FAM47E: variants seen among roughly 807,000 people sequenced by gnomAD.
FAM47E encodes the protein family with sequence similarity 47 member E.
A neutral mutation model predicts 41.6 loss-of-function variants in FAM47E; 32 were observed. That is an observed-to-expected ratio of 0.77 (90% confidence interval 0.58 to 1.03). FAM47E has a LOEUF of 1.03. Ranked by LOEUF, FAM47E falls within the 50% of genes least tolerant of loss-of-function variation. The probability of loss-of-function intolerance (pLI) is 0.00; values close to 1 mark genes in which losing one functional copy is unlikely to be tolerated. For synonymous variants in FAM47E, 184 were observed against 188.7 expected (o/e 0.98, Z 0.20); for missense variants, 424 against 485.4 (o/e 0.87, Z 1.19).
chr4:76,215,089 A>G (rs1223454981), intron 1 of FAM47E, among the ~76,000 whole-genome samples: 1 of 152,242 alleles, frequency 6.6e-6, no homozygotes, highest in African/African-American at 2.4e-5. Flanking sequence ...CTCAGTCATG[A>G]GCTGGGAGCA....
chr4:76,274,949 T>C lies in FAM47E; in HGVS notation c.871-3120T>C, dbSNP rs1005991953. 5.3e-5 allele frequency among the ~76,000 whole-genome samples: 8 copies of C among 152,236 alleles called. No homozygotes were observed. In the East Asian group the frequency reaches 1.5e-3, roughly 29 times the overall value. On this transcript the variant is annotated intron_variant, in intron 5 of 7. Coordinates refer to ENST00000424749, the MANE Select transcript of FAM47E (RefSeq NM_001136570.3). The stretch of plus-strand genomic sequence containing the variant: ...TTCAGAGAGTCCATTGGGCTCCTCC[T>C]GGGCTCTCCCTGAAGGCAGTGAGCT...
At chr4:76,224,551 T>C (rs767261181) in intron 2 of FAM47E, among the ~76,000 whole-genome samples, 23 of 152,136 alleles carry the variant, frequency 1.5e-4, no homozygotes, top group Non-Finnish European at 3.2e-4. Context: ...TAAACAATTA[T>C]AACTTTTTAA....
intron 3 of FAM47E, 81 bp from the exon 4 acceptor site, chr4:76,268,579 C>A (rs1734743547): frequency 2.9e-6 from 4 of 1,395,084 alleles, no homozygotes; most frequent in Non-Finnish European, 3.9e-6. Flanking sequence ...TTTATGATTT[C>A]CTTTTGCCTC....
upstream of FAM47E, among the ~76,000 whole-genome samples, chr4:76,248,290 T>C (rs1384798971): frequency 6.6e-6 from 1 of 152,156 alleles, no homozygotes; most frequent in Non-Finnish European, 1.5e-5. Context: ...ATCTATTTTT[T>C]CTTTTGTTGC....
intron 2 of FAM47E, among the ~76,000 whole-genome samples, chr4:76,223,323 G>A (rs956110660): frequency 1.3e-5 from 2 of 152,282 alleles, no homozygotes; most frequent in African/African-American, 4.8e-5. Context: ...TAGATTTCCA[G>A]TGAGTTTTGG....
At chr4:76,234,705 T>C (rs1578756594) in intron 2 of FAM47E, among the ~76,000 whole-genome samples, 1 of 152,156 alleles carries the variant, frequency 6.6e-6, no homozygotes, top group Admixed American at 6.5e-5. Context: ...AAGCCAGGAA[T>C]TCAAGACCTG....
intron 5 of FAM47E, among the ~76,000 whole-genome samples, chr4:76,276,232 A>G (rs1019354122): frequency 1.1e-4 from 16 of 152,214 alleles, no homozygotes; most frequent in African/African-American, 3.9e-4. Flanking sequence ...CGAAGCTTAT[A>G]TTTTAGAGAA....
Position 76,263,693 on chromosome 4 carries a change from T to TATCCTC in FAM47E, c.421-11_421-10insATCCTC. On this transcript the variant is annotated splice_polypyrimidine_tract_variant and intron_variant, in intron 2 of 7. Coordinates refer to ENST00000424749, the MANE Select transcript of FAM47E (RefSeq NM_001136570.3). ...TTTTTCTTTTCCTCTAAGACTATTT[T>TATCCTC]CTGTTTGTAGCTCTTATCAAAGGTG... The TATCCTC allele has an allele frequency of 6.5e-7, 1 of 1,548,862 alleles. No individual in the cohort carries two copies. Among genetic ancestry groups the TATCCTC allele is most frequent in the South Asian group, 1.2e-5 (1 of 83,784 alleles).
At chr4:76,258,924 T>C (rs1424370563) in intron 2 of FAM47E, among the ~76,000 whole-genome samples, 1 of 152,210 alleles carries the variant, frequency 6.6e-6, no homozygotes. Context: ...GGTGGACTTG[T>C]GGACTTAATT....
chr4:76,263,623 G>T (rs1219911304), intron 2 of FAM47E, 81 bp from the exon 3 acceptor site: 4 of 1,491,026 alleles, frequency 2.7e-6, no homozygotes, highest in Non-Finnish European at 3.6e-6. Context: ...TGAAGGGCAA[G>T]TTGGTCTGTT....
At chr4:76,237,346 T>C (rs1226286348) in intron 2 of FAM47E, among the ~76,000 whole-genome samples, 1 of 67,818 alleles carries the variant, frequency 1.5e-5, no homozygotes, top group Non-Finnish European at 3.6e-5. Flanking sequence ...TTGAGGGGCC[T>C]TAGAGTTTTT....
At chr4:76,216,732 A>C (rs1560725575) in intron 1 of FAM47E, among the ~76,000 whole-genome samples, 1 of 152,184 alleles carries the variant, frequency 6.6e-6, no homozygotes, top group Non-Finnish European at 1.5e-5. Context: ...TTCCCCTTTA[A>C]AACTCTGGAC....
intron 2 of FAM47E, among the ~76,000 whole-genome samples, chr4:76,232,470 A>G (rs1733510159): frequency 6.6e-6 from 1 of 152,232 alleles, no homozygotes; most frequent in Non-Finnish European, 1.5e-5. Context: ...AAAAATGTCC[A>G]GGGTAGTTAC....
intron 6 of FAM47E, chr4:76,279,471 C>T (rs1166862665): frequency 6.6e-6 from 1 of 152,034 alleles, no homozygotes; most frequent in African/African-American, 2.4e-5. Context: ...TTACAGTGAG[C>T]TAATAAAGTA....
At chr4:76,217,653 G>A (rs892295383) in exon 2 of FAM47E, 8 of 653,338 alleles carry the variant, frequency 1.2e-5, no homozygotes, top group African/African-American at 5.4e-5. Flanking sequence ...GCAGAACCAT[G>A]AGCCAAATAA....
At chr4:76,218,339 T>C (rs1200139185) in intron 2 of FAM47E, among the ~76,000 whole-genome samples, 2 of 152,154 alleles carry the variant, frequency 1.3e-5, no homozygotes, top group African/African-American at 2.4e-5. Context: ...TCCTCCCTCC[T>C]CCCCTACCCA....
chr4:76,234,397 T>A (rs1733547378), intron 2 of FAM47E: 1 of 152,302 alleles, frequency 6.6e-6, no homozygotes, highest in South Asian at 2.1e-4. Context: ...GCCACAAAAA[T>A]TCAGGCTTGC....
chr4:76,263,580 G>T (rs1734507299), intron 2 of FAM47E, 124 bp from the exon 3 acceptor site: 2 of 1,163,982 alleles, frequency 1.7e-6, no homozygotes, highest in Non-Finnish European at 1.2e-6. Context: ...CACAGAAGTT[G>T]GTGAACAGCA....
At chr4:76,244,145 A>T (rs1374842054) in intron 2 of FAM47E, among the ~76,000 whole-genome samples, 2 of 152,154 alleles carry the variant, frequency 1.3e-5, no homozygotes, top group Non-Finnish European at 2.9e-5. Context: ...TCTATCATTG[A>T]TGGACATTTG....
Sources: gnomAD v4.1 joint callset for allele counts (sites outside exome capture counted in the v4.1 genomes callset) on GRCh38, gnomAD v4.1.1 for gene constraint, MANE v1.5 for transcripts, NCBI Gene and HGNC (gene_info 2026-07-23, HGNC 2026-07-21) for gene names.